Variants in DIS3L2 observed in about 807,000 individuals in gnomAD.
The protein encoded by DIS3L2 is DIS3-like exonuclease 2.
DIS3L2 carries 34 observed loss-of-function variants against 97.5 expected under a neutral mutation model. That is an observed-to-expected ratio of 0.35 (90% CI 0.27 to 0.46). The LOEUF is 0.46. Among genes scored for constraint, DIS3L2 ranks in the 20% least tolerant of loss-of-function variants. The probability of loss-of-function intolerance (pLI) is 1.00; values close to 1 mark genes in which losing one functional copy is unlikely to be tolerated. For missense variants in DIS3L2, 1,038 were observed against 1,146.0 expected (o/e 0.91, Z 1.36); for synonymous variants, 435 against 445.2 (o/e 0.98, Z 0.29).
chr2:232,059,249 A>G (rs1413053461), intron 5 of DIS3L2, among the ~76,000 whole-genome samples: 1 of 152,246 alleles, frequency 6.6e-6, no homozygotes, highest in Non-Finnish European at 1.5e-5. Flanking sequence ...TTATGCTTCT[A>G]TCAAAGTAGG....
intron 5 of DIS3L2, among the ~76,000 whole-genome samples, chr2:232,038,314 A>T (rs1348587518): frequency 6.6e-6 from 1 of 152,206 alleles, no homozygotes; most frequent in African/African-American, 2.4e-5. Context: ...CAAAGAAAGA[A>T]CAGAAAGATG....
At chr2:232,099,016 TGTTAA>T (rs1697116743) in intron 6 of DIS3L2, among the ~76,000 whole-genome samples, 1 of 152,226 alleles carries the variant, frequency 6.6e-6, no homozygotes, top group Admixed American at 6.5e-5. Context: ...GCAAATCTTT[TGTTAA>T]GTTTTGCCTT....
intron 8 of DIS3L2, among the ~76,000 whole-genome samples, chr2:232,162,661 A>G (rs1690687717): frequency 6.6e-6 from 1 of 152,230 alleles, no homozygotes; most frequent in African/African-American, 2.4e-5. Context: ...GGAGATGGCC[A>G]TTTTTGGTCT....
chr2:232,035,907 A>G (rs537376093), intron 5 of DIS3L2, among the ~76,000 whole-genome samples: 14 of 152,262 alleles, frequency 9.2e-5, no homozygotes, highest in African/African-American at 3.4e-4. Flanking sequence ...GGGTAACCCA[A>G]CCTTTCTCTC....
intron 10 of DIS3L2, among the ~76,000 whole-genome samples, chr2:232,211,778 G>C (rs976800641): frequency 1.2e-4 from 18 of 152,214 alleles, no homozygotes; most frequent in African/African-American, 4.3e-4. Flanking sequence ...AAGGCTGAGA[G>C]ATAGAAGACA....
At position 232,062,360 on chromosome 2, in the gene DIS3L2, T is replaced by C. The variant is rs75483508; in HGVS notation, c.367-25127T>C. On this transcript the variant is annotated intron_variant, in intron 5 of 20. Coordinates refer to ENST00000325385, the MANE Select transcript of DIS3L2 (RefSeq NM_152383.5). ...CACTACCACACCACTGAGTGAATGT[T>C]TGAATTCACAGTTCCTGGAAAGTGG... Among the ~76,000 whole-genome samples, 267 of 152,284 alleles carry C rather than the reference T, an allele frequency of 1.8e-3. 6 individuals carry two copies. In the East Asian group the frequency reaches 0.045, roughly 26 times the overall value.
At chr2:232,300,935 T>A (rs1694838948) in intron 14 of DIS3L2, among the ~76,000 whole-genome samples, 1 of 151,976 alleles carries the variant, frequency 6.6e-6, no homozygotes, top group Admixed American at 6.6e-5. Context: ...ATTACAGGTA[T>A]GAGCCACCAC....
chr2:231,983,791 A>G (rs1463112334), intron 1 of DIS3L2, among the ~76,000 whole-genome samples: 1 of 151,872 alleles, frequency 6.6e-6, no homozygotes. Context: ...CAGGAGGCTG[A>G]GGCAGGAGAA....
intron 14 of DIS3L2, among the ~76,000 whole-genome samples, chr2:232,328,066 G>A (rs1695625422): frequency 6.6e-6 from 1 of 152,208 alleles, no homozygotes; most frequent in Admixed American, 6.5e-5. Context: ...TTTTTGGCAG[G>A]AAGTGGTGGG....
downstream of DIS3L2, chr2:232,340,981 G>C: frequency 2.1e-6 from 1 of 467,608 alleles, no homozygotes. Flanking sequence ...TCCTGGAGGT[G>C]AGAAAGCCAT....
chr2:232,217,490 GA>G lies in DIS3L2; in HGVS notation c.1204+7086del, dbSNP rs548394599. Among the ~76,000 whole-genome samples the G allele has an allele frequency of 2.7e-3, 417 of 152,330 alleles. 5 individuals carry two copies. Among genetic ancestry groups the G allele is most frequent in the Admixed American group, 0.025 (378 of 15,302 alleles). On this transcript the variant is annotated intron_variant, in intron 10 of 20. Coordinates refer to ENST00000325385, the MANE Select transcript of DIS3L2 (RefSeq NM_152383.5). ...CCTGGAGATAGCATCAGATTCCAAA[GA>G]TTGAGCACCTGGTCCCACAAGACTG...
At chr2:232,071,751 G>A (rs866152141) in intron 5 of DIS3L2, among the ~76,000 whole-genome samples, 21 of 152,138 alleles carry the variant, frequency 1.4e-4, no homozygotes, top group South Asian at 2.1e-4. Context: ...TGTTGCCCAG[G>A]TTGGTCTCAA....
chr2:232,162,019 C>T (rs1396316373), intron 8 of DIS3L2, among the ~76,000 whole-genome samples: 2 of 152,206 alleles, frequency 1.3e-5, no homozygotes, highest in Non-Finnish European at 2.9e-5. Context: ...GATCCGCCTG[C>T]CTCAGCCTCC....
intron 6 of DIS3L2, among the ~76,000 whole-genome samples, chr2:232,091,149 A>T (rs903546458): frequency 6.6e-6 from 1 of 152,220 alleles, no homozygotes; most frequent in East Asian, 1.9e-4. Context: ...GCTGCCATCC[A>T]TGTGGAGCTT....
intron 6 of DIS3L2, among the ~76,000 whole-genome samples, chr2:232,107,702 C>G (rs914479913): frequency 1.6e-4 from 25 of 152,024 alleles, no homozygotes; most frequent in Non-Finnish European, 4.4e-5. Context: ...GACTCCATCT[C>G]AAAAAGAAAT....
intron 5 of DIS3L2, among the ~76,000 whole-genome samples, chr2:232,081,147 G>T (rs1197829665): frequency 3.3e-5 from 5 of 152,076 alleles, no homozygotes. Flanking sequence ...TATTGGATCA[G>T]GTTTAATTTT....
At chr2:232,299,403 A>C (rs1694802300) in intron 13 of DIS3L2, among the ~76,000 whole-genome samples, 1 of 152,138 alleles carries the variant, frequency 6.6e-6, no homozygotes, top group Non-Finnish European at 1.5e-5. Flanking sequence ...TGTGGCCAAG[A>C]AGGTCCTCCC....
intron 8 of DIS3L2, among the ~76,000 whole-genome samples, chr2:232,137,914 G>A (rs1698403082): frequency 6.6e-6 from 1 of 152,130 alleles, no homozygotes; most frequent in African/African-American, 2.4e-5. Context: ...TTACAAGCTT[G>A]CCCGTTTCTC....
At chr2:232,034,958 A>G (rs1446427482) in intron 5 of DIS3L2, among the ~76,000 whole-genome samples, 1 of 152,194 alleles carries the variant, frequency 6.6e-6, no homozygotes, top group Non-Finnish European at 1.5e-5. Flanking sequence ...TTTGGGGTGG[A>G]GAGTTCTGTA....
Sources: allele counts gnomAD v4.1 joint callset (sites outside exome capture counted in the v4.1 genomes callset), GRCh38; gene constraint gnomAD v4.1.1; transcripts MANE v1.5; gene names NCBI Gene and HGNC (gene_info 2026-07-23, HGNC 2026-07-21).